Variants in ARID2 observed in about 807,000 individuals in gnomAD.
The protein encoded by ARID2 is AT-rich interaction domain 2.
A neutral mutation model predicts 184.6 loss-of-function variants in ARID2; 32 were observed. The observed-to-expected ratio is 0.17, with a 90% CI of 0.13 to 0.23. The LOEUF is 0.23. ARID2 is among the 10% of genes least tolerant of loss of function. The pLI is 1.00. For missense variants in ARID2, 1,696 were observed against 2,197.6 expected (o/e 0.77, Z 4.56); for synonymous variants, 836 against 772.6 (o/e 1.08, Z -1.36).
At chr12:45,803,621 G>A (rs890249018) in intron 3 of ARID2, among the ~76,000 whole-genome samples, 12 of 152,066 alleles carry the variant, frequency 7.9e-5, no homozygotes, top group African/African-American at 2.4e-5. Flanking sequence ...TCTTCTTTTG[G>A]TAATATAGAA....
At chr12:45,779,390 A>G (rs962613061) in intron 3 of ARID2, among the ~76,000 whole-genome samples, 27 of 152,132 alleles carry the variant, frequency 1.8e-4, no homozygotes, top group Non-Finnish European at 3.4e-4. Context: ...TTACTATTTC[A>G]TTTGTGAAAA....
rs1942647333 is a variant in ARID2 at position 45,808,752 on chromosome 12, T to C, written c.285-2666T>C. Among the ~76,000 whole-genome samples, 3 of 151,802 alleles carry C rather than the reference T, an allele frequency of 2.0e-5. No individual in the cohort carries two copies. The South Asian group carries it at 6.3e-4, about 32-fold the overall frequency. ...GTTTGCGTGCGTGTGTGTGTGTGTG[T>C]GTGTGTGTATGTGTGTGTGTGTGTG... is the stretch of plus-strand genomic sequence containing the variant. On this transcript the variant is annotated intron_variant, in intron 3 of 20. Transcript: ENST00000334344.
At chr12:45,877,599 C>G (rs1251051976) in intron 16 of ARID2, among the ~76,000 whole-genome samples, 1 of 152,026 alleles carries the variant, frequency 6.6e-6, no homozygotes, top group Admixed American at 6.5e-5. Context: ...AACCATCCCC[C>G]CAACCCCTGG....
chr12:45,802,473 G>T (rs559475755), intron 3 of ARID2, among the ~76,000 whole-genome samples: 1 of 152,072 alleles, frequency 6.6e-6, no homozygotes, highest in East Asian at 1.9e-4. Flanking sequence ...TCCATATTGC[G>T]TGAATTTCTT....
intron 3 of ARID2, among the ~76,000 whole-genome samples, chr12:45,809,455 C>T (rs983725257): frequency 1.3e-5 from 2 of 152,132 alleles, no homozygotes; most frequent in African/African-American, 4.8e-5. Flanking sequence ...CATTTACCTA[C>T]TTAAGTTTGT....
intron 3 of ARID2, among the ~76,000 whole-genome samples, chr12:45,808,869 A>G (rs1942651662): frequency 6.6e-6 from 1 of 152,096 alleles, no homozygotes; most frequent in Non-Finnish European, 1.5e-5. Flanking sequence ...GATTCAAACA[A>G]TTCTTGTACT....
chr12:45,782,164 G>T (rs149796663), intron 3 of ARID2, among the ~76,000 whole-genome samples: 2 of 152,124 alleles, frequency 1.3e-5, no homozygotes, highest in East Asian at 3.9e-4. Flanking sequence ...ATTGGATTTG[G>T]CACATGCTAC....
At chr12:45,863,361 T>C (rs988712365) in intron 16 of ARID2, among the ~76,000 whole-genome samples, 1 of 152,216 alleles carries the variant, frequency 6.6e-6, no homozygotes, top group Non-Finnish European at 1.5e-5. Flanking sequence ...TAGGAACATA[T>C]ATATGATAGC....
chr12:45,761,497 C>CAAA (rs1325941047), intron 3 of ARID2, among the ~76,000 whole-genome samples: 10 of 152,004 alleles, frequency 6.6e-5, no homozygotes, highest in Non-Finnish European at 8.8e-5. Context: ...AAATTCTAAG[C>CAAA]ATGGATTTGT....
intron 3 of ARID2, among the ~76,000 whole-genome samples, chr12:45,771,788 C>G (rs1453254241): frequency 6.6e-6 from 1 of 151,928 alleles, no homozygotes; most frequent in African/African-American, 2.4e-5. Context: ...CACAAAACTA[C>G]TTAACTGAGG....
At chr12:45,754,535 G>A (rs557975514) in intron 3 of ARID2, among the ~76,000 whole-genome samples, 1 of 152,142 alleles carries the variant, frequency 6.6e-6, no homozygotes, top group African/African-American at 2.4e-5. Context: ...CATTTTCCCT[G>A]TCTGGAATTC....
At chr12:45,889,025 TA>T (rs1301859065) in intron 16 of ARID2, among the ~76,000 whole-genome samples, 1 of 151,982 alleles carries the variant, frequency 6.6e-6, no homozygotes, top group Admixed American at 6.6e-5. Flanking sequence ...CTGTCTCTAC[TA>T]AAAAAATACA....
chr12:45,888,346 T>G (rs1457462156), intron 16 of ARID2, among the ~76,000 whole-genome samples: 2 of 152,242 alleles, frequency 1.3e-5, no homozygotes, highest in Admixed American at 1.3e-4. Flanking sequence ...AACTCACTAT[T>G]TAACCAAAGT....
intron 3 of ARID2, among the ~76,000 whole-genome samples, chr12:45,745,071 T>C (rs1161304387): frequency 6.6e-6 from 1 of 152,234 alleles, no homozygotes. Flanking sequence ...TTCTTGCTCA[T>C]AACCAGTCTT....
chr12:45,739,403 A>C (rs1941202257), intron 3 of ARID2, among the ~76,000 whole-genome samples: 1 of 150,720 alleles, frequency 6.6e-6, no homozygotes, highest in African/African-American at 2.4e-5. Flanking sequence ...ATAATTTTTA[A>C]AACTACCATA....
At position 45,891,923 on chromosome 12, in the gene ARID2, A is replaced by G; in HGVS notation, c.5061+5A>G. 6.2e-7 allele frequency: 1 copy of G among 1,614,062 alleles called. No individual in the cohort carries two copies. Among genetic ancestry groups the G allele is most frequent in the Non-Finnish European group, 8.5e-7 (1 of 1,179,978 alleles). On this transcript the variant is annotated splice_donor_5th_base_variant and intron_variant, in intron 17 of 20. Transcript: ENST00000334344. ...TCTTTTATTACCCACTTGCAGGTAC[A>G]CTTTTTAAATACTATTTGATCAGTA...
chr12:45,743,325 C>T (rs1941298200), intron 3 of ARID2, among the ~76,000 whole-genome samples: 1 of 152,074 alleles, frequency 6.6e-6, no homozygotes, highest in South Asian at 2.1e-4. Flanking sequence ...GCTGAGATTG[C>T]ACCACTGCCC....
intron 16 of ARID2, among the ~76,000 whole-genome samples, chr12:45,872,576 C>T (rs1223452650): frequency 2.0e-5 from 3 of 152,052 alleles, no homozygotes; most frequent in Admixed American, 1.3e-4. Context: ...CACATGGCAG[C>T]AAGAGAGAGA....
intron 16 of ARID2, among the ~76,000 whole-genome samples, chr12:45,862,699 G>A (rs1382631270): frequency 6.6e-6 from 1 of 152,124 alleles, no homozygotes; most frequent in Non-Finnish European, 1.5e-5. Flanking sequence ...AAATAAAGAA[G>A]TTTAAGCATA....
Sources: gnomAD v4.1 joint callset for allele counts (sites outside exome capture counted in the v4.1 genomes callset) on GRCh38, gnomAD v4.1.1 for gene constraint, MANE v1.5 for transcripts, NCBI Gene and HGNC (gene_info 2026-07-23, HGNC 2026-07-21) for gene names.